The following GRIK1 variants were observed in gnomAD, a reference collection of about 807,000 sequenced individuals.
GRIK1 encodes the protein glutamate ionotropic receptor kainate type subunit 1, also known as glutamate receptor ionotropic, kainate 1.
GRIK1 carries 69 observed loss-of-function variants against 105.7 expected under a neutral mutation model. That is an observed-to-expected ratio of 0.65 (90% confidence interval 0.54 to 0.80). GRIK1 has a LOEUF of 0.80. Among genes scored for constraint, GRIK1 ranks in the 30% least tolerant of loss-of-function variants. The probability of loss-of-function intolerance (pLI) is 0.00; values close to 1 mark genes in which losing one functional copy is unlikely to be tolerated. For synonymous variants in GRIK1, 438 were observed against 431.3 expected, an observed-to-expected ratio of 1.02 and a Z score of -0.19; for missense variants, 1,109 against 1,167.3, an observed-to-expected ratio of 0.95 and a Z score of 0.73.
At chr21:29,886,024 C>G (rs1197857299) in intron 1 of GRIK1, among the ~76,000 whole-genome samples, 1 of 152,088 alleles carries the variant, frequency 6.6e-6, no homozygotes, top group Non-Finnish European at 1.5e-5. Flanking sequence ...TTTTATGAAA[C>G]ACTCTTCCTA....
chr21:29,629,110 T>C (rs1228622493), intron 7 of GRIK1, among the ~76,000 whole-genome samples: 1 of 151,984 alleles, frequency 6.6e-6, no homozygotes, highest in Non-Finnish European at 1.5e-5. Flanking sequence ...GGTAGACACA[T>C]AGAAATGTAT....
intron 1 of GRIK1, among the ~76,000 whole-genome samples, chr21:29,863,686 G>A (rs1601883690): frequency 6.6e-6 from 1 of 152,030 alleles, no homozygotes; most frequent in East Asian, 1.9e-4. Flanking sequence ...ATTTTTAAAA[G>A]ATCAGCCATG....
At chr21:29,681,126 C>A (rs1360821713) in intron 3 of GRIK1, among the ~76,000 whole-genome samples, 2 of 152,150 alleles carry the variant, frequency 1.3e-5, no homozygotes, top group African/African-American at 4.8e-5. Flanking sequence ...GAGAAAGACT[C>A]CGTCTCAAAA....
intron 1 of GRIK1, among the ~76,000 whole-genome samples, chr21:29,804,065 A>G (rs901464273): frequency 1.1e-4 from 17 of 152,106 alleles, no homozygotes; most frequent in Non-Finnish European, 1.2e-4. Flanking sequence ...GAAGCTCATA[A>G]TGGCATTAGA....
chr21:29,537,430 G>A (rs201908048), intron 17 of GRIK1, 45 bp from the exon 18 acceptor site: 28 of 1,506,792 alleles, frequency 1.9e-5, no homozygotes, highest in African/African-American at 7.0e-5. Flanking sequence ...TAAGCCTATC[G>A]CATGTGCCGT....
intron 1 of GRIK1, among the ~76,000 whole-genome samples, chr21:29,790,258 A>G (rs1002924789): frequency 2.0e-5 from 3 of 152,304 alleles, no homozygotes; most frequent in Admixed American, 1.3e-4. Context: ...CATGTTGGCC[A>G]GGATGGTCTC....
intron 1 of GRIK1, among the ~76,000 whole-genome samples, chr21:29,758,321 C>T (rs538147348): frequency 1.3e-5 from 2 of 152,326 alleles, no homozygotes; most frequent in Admixed American, 1.3e-4. Flanking sequence ...CACAGTTCCA[C>T]ATGGATGGGG....
At chr21:29,623,240 A>G (rs1356866825) in intron 7 of GRIK1, among the ~76,000 whole-genome samples, 2 of 152,224 alleles carry the variant, frequency 1.3e-5, no homozygotes, top group East Asian at 3.9e-4. Context: ...CCTCTATAAA[A>G]CCATGAGATC....
intron 7 of GRIK1, chr21:29,601,247 A>T (rs73350412): frequency 0.064 from 32,610 of 508,888 alleles, 2,285 homozygotes; most frequent in African/African-American, 0.24. Context: ...AGCGGCCTTC[A>T]CCTGTTCTTG....
At chr21:29,812,962 A>G (rs1424052472) in intron 1 of GRIK1, among the ~76,000 whole-genome samples, 1 of 152,190 alleles carries the variant, frequency 6.6e-6, no homozygotes, top group Non-Finnish European at 1.5e-5. Flanking sequence ...AATTGTACGT[A>G]GGAAGATAAG....
intron 1 of GRIK1, among the ~76,000 whole-genome samples, chr21:29,924,349 G>GA (rs535780664): frequency 6.8e-6 from 1 of 146,526 alleles, no homozygotes; most frequent in Non-Finnish European, 1.5e-5. Flanking sequence ...AAAAAAAAAA[G>GA]AAAAAAAAGA....
chr21:29,926,296 G>A (rs953321746), intron 1 of GRIK1, among the ~76,000 whole-genome samples: 1 of 151,880 alleles, frequency 6.6e-6, no homozygotes, highest in East Asian at 1.9e-4. Context: ...TCTCTACAAC[G>A]GGCACCCTGA....
chr21:29,897,029 C>T (rs1195712723), intron 1 of GRIK1, among the ~76,000 whole-genome samples: 1 of 152,160 alleles, frequency 6.6e-6, no homozygotes, highest in Non-Finnish European at 1.5e-5. Flanking sequence ...AATTTCCTTA[C>T]AATGAATGAG....
chr21:29,918,002 G>T (rs1042603235), intron 1 of GRIK1, among the ~76,000 whole-genome samples: 14 of 151,904 alleles, frequency 9.2e-5, no homozygotes, highest in African/African-American at 3.1e-4. Context: ...GCATTATATA[G>T]AGAAAGATGA....
chr21:29,621,945 T>C (rs1029863106), intron 7 of GRIK1, among the ~76,000 whole-genome samples: 5 of 150,792 alleles, frequency 3.3e-5, no homozygotes, highest in African/African-American at 1.2e-4. Flanking sequence ...GAATAACTTC[T>C]TTTTTCTTTT....
intron 4 of GRIK1, among the ~76,000 whole-genome samples, chr21:29,662,394 C>T (rs1410292223): frequency 6.6e-6 from 1 of 152,172 alleles, no homozygotes; most frequent in Non-Finnish European, 1.5e-5. Context: ...AATAACCTCT[C>T]TGCAACATCT....
At chr21:29,806,013 A>G (rs951605993) in intron 1 of GRIK1, among the ~76,000 whole-genome samples, 7 of 152,174 alleles carry the variant, frequency 4.6e-5, no homozygotes, top group Non-Finnish European at 1.0e-4. Context: ...ATGACATGAA[A>G]ACACAAGTCG....
chr21:29,602,141 T>C (rs2061531041), intron 7 of GRIK1, among the ~76,000 whole-genome samples: 1 of 152,170 alleles, frequency 6.6e-6, no homozygotes, highest in African/African-American at 2.4e-5. Context: ...AAATGCACAG[T>C]AAGTGAAGAT....
chr21:29,852,531 G>A (rs533923095), intron 1 of GRIK1, among the ~76,000 whole-genome samples: 3 of 152,290 alleles, frequency 2.0e-5, no homozygotes, highest in Non-Finnish European at 2.9e-5. Context: ...TTACTAGACT[G>A]GAAGATACTC....
Sources: gnomAD v4.1 joint callset for allele counts (sites outside exome capture counted in the v4.1 genomes callset) on GRCh38, gnomAD v4.1.1 for gene constraint, MANE v1.5 for transcripts, NCBI Gene and HGNC (gene_info 2026-07-23, HGNC 2026-07-21) for gene names.